The following ANO2 variants were observed in gnomAD, a reference collection of about 807,000 sequenced individuals.
ANO2 encodes anoctamin 2.
In ANO2, 101 loss-of-function variants were observed where a neutral mutation model predicts 124.2. The observed-to-expected ratio is 0.81, with a 90% confidence interval of 0.69 to 0.96. The LOEUF (loss-of-function observed/expected upper bound fraction) is 0.96, where lower values mean the gene tolerates loss of function less well. ANO2 is among the 40% of genes least tolerant of loss of function. The pLI is 0.00. For missense variants in ANO2, 1,293 were observed against 1,274.5 expected (o/e 1.01, Z -0.22); for synonymous variants, 486 against 482.5 (o/e 1.01, Z -0.09).
chr12:5,565,405 G>C (rs961920412), intron 24 of ANO2, among the ~76,000 whole-genome samples, 153 bp downstream of exon 24: 4 of 152,094 alleles, frequency 2.6e-5, no homozygotes, highest in Non-Finnish European at 5.9e-5. Flanking sequence ...GCTTCAACCC[G>C]GAAAGGAGCC....
At chr12:5,679,936 G>A (rs776324269) in intron 14 of ANO2, among the ~76,000 whole-genome samples, 26 of 152,156 alleles carry the variant, frequency 1.7e-4, no homozygotes, top group Non-Finnish European at 2.9e-4. Flanking sequence ...GTACAGATAC[G>A]CCATAGAACA....
chr12:5,917,552 T>C (rs966974058), intron 3 of ANO2, among the ~76,000 whole-genome samples: 8 of 149,820 alleles, frequency 5.3e-5, no homozygotes, highest in African/African-American at 1.9e-4. Context: ...CTGTTATTAT[T>C]ATTCTCTTTT....
intron 3 of ANO2, among the ~76,000 whole-genome samples, chr12:5,879,620 G>A (rs1938348040): frequency 6.6e-6 from 1 of 152,190 alleles, no homozygotes; most frequent in African/African-American, 2.4e-5. Context: ...AGGGGTCAAA[G>A]AAGACTTCAT....
rs1309669545 is a variant in ANO2 at position 5,769,395 on chromosome 12, G to A, written c.1056-18425C>T. ...CAAAGACCAAGAAAGAGAGCCAGGG[G>A]CCAGACGAGCAAACACTGAGTTCAG... On this transcript the variant is annotated intron_variant, in intron 10 of 24. Transcript: ENST00000682330. This position sits in a 1 kb window ranked among gnomAD's most constrained non-coding sequence, Gnocchi z 4.0. Among the ~76,000 whole-genome samples the A allele has an allele frequency of 6.6e-6, 1 of 152,138 alleles. No individual in the cohort carries two copies. The highest frequency in any genetic ancestry group is 2.4e-5 in the African/African-American group (1 of 41,424).
In ANO2 at chr12:5,923,248, A is replaced by ACACACACACACG. The variant is rs1565784459; in HGVS notation, c.23-445_23-444insCGTGTGTGTGTG. ...CACATGCACACATACACACACGCAT[A>ACACACACACACG]CACACACATACACACACACACACAC... On this transcript the variant is annotated intron_variant, in intron 1 of 24. Coordinates refer to ENST00000682330, the MANE Select transcript of ANO2 (RefSeq NM_001364791.2). Among the ~76,000 whole-genome samples, 2 of 74,468 alleles carry ACACACACACACG rather than the reference A, an allele frequency of 2.7e-5. 1 individual carries two copies. The highest frequency in any genetic ancestry group is 1.2e-4 in the African/African-American group (2 of 17,054). 48.9% of individuals were successfully genotyped at this position (74,468 alleles called of 152,430 possible).
rs1951414532 is a variant in ANO2 at position 5,750,885 on chromosome 12, C to T, written c.1141G>A (p.Val381Met). Residue 381 changes from valine (V) to methionine (M), a missense_variant, in exon 11 of 25, where the codon GTG (valine) becomes ATG (methionine). Transcript: ENST00000682330. ...SFLIPSSVIG[V>M]IVFLYGCATI... ...GCACATCCATAAAGAAACACAATCA[C>T]TCCAATTACAGAAGATGGGATGAGG... The T allele has an allele frequency of 6.2e-7, 1 of 1,612,806 alleles. No homozygotes were observed. The highest frequency in any genetic ancestry group is 1.3e-5 in the African/African-American group (1 of 75,018).
chr12:5,922,941 C>T (rs1941787030), intron 1 of ANO2, 137 bp from the exon 2 acceptor site: 4 of 922,718 alleles, frequency 4.3e-6, no homozygotes, highest in Non-Finnish European at 4.6e-6. Flanking sequence ...TTGGTTAGTC[C>T]CTAAAGCCCA....
chr12:5,794,900 A>C (rs1255507997), intron 10 of ANO2, among the ~76,000 whole-genome samples: 1 of 152,240 alleles, frequency 6.6e-6, no homozygotes, highest in African/African-American at 2.4e-5. Context: ...AGATTGATCA[A>C]CGTTTTTCTC....
intron 19 of ANO2, among the ~76,000 whole-genome samples, chr12:5,600,574 T>C (rs1943893295): frequency 6.6e-6 from 1 of 152,212 alleles, no homozygotes; most frequent in African/African-American, 2.4e-5. Flanking sequence ...AAGCATTGAA[T>C]AGATGATACC....
chr12:5,930,615 C>T (rs983384294), intron 1 of ANO2, among the ~76,000 whole-genome samples: 2 of 152,132 alleles, frequency 1.3e-5, no homozygotes, highest in African/African-American at 4.8e-5. Flanking sequence ...CCCTGGACCC[C>T]TCCTCAAGTG....
At chr12:5,586,815 G>A (rs1475574935) in intron 20 of ANO2, among the ~76,000 whole-genome samples, 2 of 152,172 alleles carry the variant, frequency 1.3e-5, no homozygotes, top group Non-Finnish European at 2.9e-5. Context: ...TTGCTACAAA[G>A]CATTATCATA....
At position 5,769,161 on chromosome 12, in the gene ANO2, C is replaced by A. The variant is rs1051739321; in HGVS notation, c.1056-18191G>T. 2.0e-5 allele frequency among the ~76,000 whole-genome samples: 3 copies of A among 152,170 alleles called. No individual in the cohort carries two copies. Among genetic ancestry groups the A allele is most frequent in the Admixed American group, 2.0e-4 (3 of 15,274 alleles). ...CCTAGATTTACGACACTCTCCTGTGCTGTGCCACTTTTAAGAAGAGGTTCC... is the reference window on the plus strand; with the variant it reads ...CCTAGATTTACGACACTCTCCTGTGATGTGCCACTTTTAAGAAGAGGTTCC... On this transcript the variant is annotated intron_variant, in intron 10 of 24. Coordinates refer to ENST00000682330, the MANE Select transcript of ANO2 (RefSeq NM_001364791.2). This position sits in a 1 kb window ranked among gnomAD's most constrained non-coding sequence, Gnocchi z 4.0.
intron 14 of ANO2, among the ~76,000 whole-genome samples, chr12:5,676,552 C>T (rs142192560): frequency 9.2e-5 from 14 of 152,144 alleles, no homozygotes; most frequent in Admixed American, 4.6e-4. Flanking sequence ...TGGTCAAATT[C>T]AGAATAATTG....
chr12:5,622,306 C>T (rs1450881530), intron 16 of ANO2, among the ~76,000 whole-genome samples: 1 of 152,174 alleles, frequency 6.6e-6, no homozygotes, highest in Non-Finnish European at 1.5e-5. Flanking sequence ...TGATTCCCTT[C>T]CTCCATACTG....
At chr12:5,640,234 C>T (rs1284370088) in intron 15 of ANO2, among the ~76,000 whole-genome samples, 1 of 152,152 alleles carries the variant, frequency 6.6e-6, no homozygotes, top group Non-Finnish European at 1.5e-5. Flanking sequence ...TGCCCATGGT[C>T]CTGGCATCTT....
intron 20 of ANO2, among the ~76,000 whole-genome samples, chr12:5,595,082 G>C (rs775915751): frequency 6.6e-6 from 1 of 152,160 alleles, no homozygotes; most frequent in Non-Finnish European, 1.5e-5. Context: ...TACTTGTCTT[G>C]TAAAGTTATT....
chr12:5,869,695 A>G (rs1298875573), intron 3 of ANO2, among the ~76,000 whole-genome samples: 2 of 152,096 alleles, frequency 1.3e-5, no homozygotes, highest in Admixed American at 1.3e-4. Context: ...ACAAATCACA[A>G]GTAGAGGGGA....
intron 14 of ANO2, among the ~76,000 whole-genome samples, chr12:5,664,819 G>C (rs980167052): frequency 6.6e-6 from 1 of 152,112 alleles, no homozygotes; most frequent in African/African-American, 2.4e-5. Flanking sequence ...GAATTTAATG[G>C]GCAAATTCAT....
At chr12:5,826,764 G>A (rs372330561) in intron 7 of ANO2, among the ~76,000 whole-genome samples, 1 of 152,050 alleles carries the variant, frequency 6.6e-6, no homozygotes, top group Admixed American at 6.6e-5. Context: ...TGGGTACCCA[G>A]GCAGCTTACA....
Sources: allele counts gnomAD v4.1 joint callset (sites outside exome capture counted in the v4.1 genomes callset), GRCh38; gene constraint gnomAD v4.1.1; non-coding constraint Gnocchi (gnomAD v3.1); transcripts MANE v1.5; gene names NCBI Gene and HGNC (gene_info 2026-07-23, HGNC 2026-07-21).